NBPF19: variants seen among roughly 807,000 people sequenced by gnomAD.
NBPF19 encodes the protein NBPF family member NBPF19.
A neutral mutation model predicts 45.9 loss-of-function variants in NBPF19; 30 were observed. That is an observed-to-expected ratio of 0.65 (90% CI 0.49 to 0.89). The LOEUF (loss-of-function observed/expected upper bound fraction) is 0.89, where lower values mean the gene tolerates loss of function less well. Among genes scored for constraint, NBPF19 ranks in the 40% least tolerant of loss-of-function variants. The pLI is 0.00. For missense variants in NBPF19, 495 were observed against 471.8 expected (o/e 1.05, Z -0.46); for synonymous variants, 183 against 181.2 (o/e 1.01, Z -0.08).
At chr1:149,477,432 A>G (rs1218387983) in intron 2 of NBPF19, among the ~76,000 whole-genome samples, 4 of 151,396 alleles carry the variant, frequency 2.6e-5, no homozygotes, top group Admixed American at 6.6e-5. Context: ...CTCACACTTT[A>G]TGCTTCAGAT....
At chr1:149,487,259 G>A in intron 8 of NBPF19, 73 bp from the exon 9 acceptor site, 1 of 1,088,716 alleles carries the variant, frequency 9.2e-7, no homozygotes, top group Non-Finnish European at 1.4e-6. Context: ...CCTGTGTTAG[G>A]ATTGGACAGA....
chr1:149,487,981 G>T (rs1249585236), intron 9 of NBPF19, 32 bp from the exon 10 acceptor site: 4 of 691,924 alleles, frequency 5.8e-6, no homozygotes, highest in South Asian at 3.1e-5. Flanking sequence ...GATTCCCCCT[G>T]GCTTATTCTT....
At chr1:149,483,483 C>A (rs1258745005) in intron 7 of NBPF19, among the ~76,000 whole-genome samples, 2 of 120,088 alleles carry the variant, frequency 1.7e-5, no homozygotes, top group African/African-American at 6.4e-5. Flanking sequence ...ACTCTTTATC[C>A]AATTTGCCAT....
At position 149,479,050 on chromosome 1, in the gene NBPF19, A is replaced by AG. The variant is rs1416711751; in HGVS notation, c.453dup (p.Cys152ValfsTer2). The AG allele has an allele frequency of 4.5e-6, 7 of 1,570,774 alleles. No homozygotes were observed. The highest frequency in any genetic ancestry group is 6.1e-6 in the Non-Finnish European group (7 of 1,143,308). On this transcript the variant is annotated frameshift_variant, in exon 4 of 94. Transcript: ENST00000651566. LOFTEE classifies it high-confidence loss of function. ...CAGGACCTCCAAGAACAGCTGGCTG[A>AG]GGGGTGTAGACTGGCACAGCACCTT...
rs1192737042 is a variant in NBPF19, at chr1:149,488,386, A to G, written c.1213+201A>G. Among the ~76,000 whole-genome samples, 7 of 142,586 alleles carry G rather than the reference A, an allele frequency of 4.9e-5. 2 individuals are homozygous for G. The highest frequency in any genetic ancestry group is 3.6e-4 in the Admixed American group (5 of 13,886). The allele number at this position is 142,586 out of a possible 152,430, so 93.5% of individuals were successfully genotyped here. A position where few individuals can be genotyped will look rare whatever the true frequency, so the allele number is the denominator to read the frequency against. On this transcript the variant is annotated intron_variant, in intron 10 of 93. Coordinates refer to ENST00000651566, the MANE Select transcript of NBPF19 (RefSeq NM_001351365.2). ...GTTCAGTGAGCAAGGCTCTCTTCCTAGTCTCAGGCCATACCTGTGGCGCCC... is the reference window on the plus strand; with the variant it reads ...GTTCAGTGAGCAAGGCTCTCTTCCTGGTCTCAGGCCATACCTGTGGCGCCC...
In NBPF19 at chr1:149,554,575, T is replaced by C; in HGVS notation, c.11369T>C (p.Met3790Thr). Residue 3790 changes from methionine (M) to threonine (T), a missense_variant, in exon 94 of 94, where the codon ATG becomes ACG. By Grantham distance (81) the Met-to-Thr change is moderately conservative. This residue lies in a region of NBPF19 where 248 missense variants were observed against 95.4 expected (regional missense o/e 2.60). Transcript: ENST00000651566. ...SLDGCYSTPS[M>T]YFELPDSFQH... ...GATGGATGTTATTCGACTCCGTCAA[T>C]GTACTTTGAACTACCTGACTCATTC... is the stretch of plus-strand genomic sequence containing the variant. 3.1e-6 allele frequency: 5 copies of C among 1,608,314 alleles called. No homozygotes were observed. Among genetic ancestry groups the C allele is most frequent in the Non-Finnish European group, 4.2e-6 (5 of 1,176,784 alleles).
At chr1:149,528,917 G>T (rs1372411550) in intron 61 of NBPF19, among the ~76,000 whole-genome samples, 1 of 127,818 alleles carries the variant, frequency 7.8e-6, no homozygotes, top group Non-Finnish European at 1.6e-5. Flanking sequence ...GTGTCACCTG[G>T]ACAATTCACT....
rs1353787511 is a variant in NBPF19 at position 149,483,986 on chromosome 1, C to T, written c.824+1760C>T. ...TAGAAATACCATTTGACCCAGCCAT[C>T]CCATTACTGGGTGTATACCCAAAGG... On this transcript the variant is annotated intron_variant, in intron 7 of 93. Transcript: ENST00000651566. 1.1e-3 allele frequency among the ~76,000 whole-genome samples: 14 copies of T among 12,432 alleles called. 1 individual carries two copies. The highest frequency in any genetic ancestry group is 4.1e-3 in the African/African-American group (10 of 2,438). 8.2% of individuals were successfully genotyped at this position (12,432 alleles called of 152,430 possible). A position where few individuals can be genotyped will look rare whatever the true frequency, so the allele number is the denominator to read the frequency against.
At chr1:149,482,529 A>C (rs9441415) in intron 7 of NBPF19, among the ~76,000 whole-genome samples, 19 of 151,618 alleles carry the variant, frequency 1.3e-4, no homozygotes, top group Non-Finnish European at 1.8e-4. Flanking sequence ...TTGTGTCTCT[A>C]TCTCCTTGAG....
At chr1:149,476,936 A>T (rs1303681937) in intron 2 of NBPF19, among the ~76,000 whole-genome samples, 5 of 150,772 alleles carry the variant, frequency 3.3e-5, no homozygotes, top group African/African-American at 1.2e-4. Context: ...CTCGTCAAAA[A>T]ACAAACAAAC....
In NBPF19 at chr1:149,487,356, A is replaced by T; in HGVS notation, c.1013A>T (p.Lys338Met). The T allele has an allele frequency of 1.9e-6, 3 of 1,562,332 alleles. No homozygotes were observed. Among genetic ancestry groups the T allele is most frequent in the South Asian group, 2.2e-5 (2 of 90,350 alleles). Reference protein sequence around the residue: ...IGRHRWDQVKKEDQEATGPRL... With the variant: ...IGRHRWDQVKMEDQEATGPRL... The stretch of plus-strand genomic sequence containing the variant: ...GGACATCGCTGGGATCAAGTGAAAA[A>T]GGAGGACCAAGAGGCAACAGGTCCC... The change falls in exon 9 of 94, where the codon AAG (lysine) becomes ATG (methionine). Residue 338 changes from lysine to methionine, a missense_variant. Transcript: ENST00000651566.
intron 4 of NBPF19, among the ~76,000 whole-genome samples, chr1:149,479,373 T>C (rs1318375086): frequency 6.7e-6 from 1 of 149,564 alleles, no homozygotes; most frequent in East Asian, 2.0e-4. Flanking sequence ...GAGGCTGTGA[T>C]GGAAGGGCGC....
In NBPF19 at chr1:149,477,646, C is replaced by G. The variant is rs1374512175; in HGVS notation, c.176-299C>G. 1.3e-4 allele frequency among the ~76,000 whole-genome samples: 20 copies of G among 151,378 alleles called. 1 individual carries two copies. Among genetic ancestry groups the G allele is most frequent in the Admixed American group, 1.3e-3 (20 of 15,216 alleles). On this transcript the variant is annotated intron_variant, in intron 2 of 93. Transcript: ENST00000651566. ...AGGCTGCAAGACTTGGGAAAGTGGC[C>G]CCGCATTCAGAGTCAGACCTCAGGG...
At chr1:149,486,748 C>T (rs1338066552) in intron 8 of NBPF19, among the ~76,000 whole-genome samples, 2 of 151,220 alleles carry the variant, frequency 1.3e-5, no homozygotes, top group Non-Finnish European at 3.0e-5. Flanking sequence ...AGATGTGACC[C>T]AGGTTTCACT....
At chr1:149,487,079 G>C (rs1459813099) in intron 8 of NBPF19, among the ~76,000 whole-genome samples, 1 of 150,998 alleles carries the variant, frequency 6.6e-6, no homozygotes, top group Non-Finnish European at 1.5e-5. Flanking sequence ...TTGCTCATTT[G>C]TGTACATAAA....
rs1258975684 is a variant in NBPF19, at chr1:149,478,055, G to T, written c.278+8G>T. Reference sequence around the variant, plus strand: ...GCAAGCTGAGGAGCTCAGGTGAGGGGACCCCGTGGGGGGAGGGCAGGCGGG... The same window carrying T: ...GCAAGCTGAGGAGCTCAGGTGAGGGTACCCCGTGGGGGGAGGGCAGGCGGG... On this transcript the variant is annotated splice_region_variant and intron_variant, in intron 3 of 93. Coordinates refer to ENST00000651566, the MANE Select transcript of NBPF19 (RefSeq NM_001351365.2). The T allele has an allele frequency of 1.4e-5, 22 of 1,565,010 alleles. No homozygotes were observed. The highest frequency in any genetic ancestry group is 1.8e-5 in the Non-Finnish European group (21 of 1,143,814).
intron 10 of NBPF19, among the ~76,000 whole-genome samples, chr1:149,488,434 G>T (rs1238833212): frequency 7.2e-6 from 1 of 139,044 alleles, no homozygotes; most frequent in Non-Finnish European, 1.5e-5. Context: ...CATGACGTTG[G>T]ACCTGGGCAG....
intron 3 of NBPF19, 114 bp from the exon 4 acceptor site, chr1:149,478,766 A>G: frequency 6.7e-6 from 8 of 1,187,184 alleles, no homozygotes; most frequent in African/African-American, 3.0e-5. Context: ...ACATGTGCTG[A>G]CCTTCTGCTT....
At chr1:149,487,978 C>G in intron 9 of NBPF19, 35 bp from the exon 10 acceptor site, 3 of 693,698 alleles carry the variant, frequency 4.3e-6, no homozygotes, top group East Asian at 2.7e-5. Flanking sequence ...TCTGATTCCC[C>G]CTGGCTTATT....
Sources: gnomAD v4.1 joint callset for allele counts (sites outside exome capture counted in the v4.1 genomes callset) on GRCh38, gnomAD v4.1.1 for gene constraint, gnomAD v4.1.1 regional missense constraint, MANE v1.5 for transcripts, NCBI Gene and HGNC (gene_info 2026-07-23, HGNC 2026-07-21) for gene names.